Variants in BIRC6 observed in about 807,000 individuals in gnomAD.
The protein encoded by BIRC6 is dual E2 ubiquitin-conjugating enzyme/E3 ubiquitin-protein ligase BIRC6.
A neutral mutation model predicts 503.3 loss-of-function variants in BIRC6; 98 were observed. The ratio of observed to expected loss-of-function variants is 0.19; its 90% CI spans 0.17 to 0.23. The LOEUF (loss-of-function observed/expected upper bound fraction) is 0.23, where lower values mean the gene tolerates loss of function less well. BIRC6 is among the 10% of genes least tolerant of loss of function. The probability of loss-of-function intolerance (pLI) is 1.00; values close to 1 mark genes in which losing one functional copy is unlikely to be tolerated. For missense variants in BIRC6, 5,360 were observed against 5,806.0 expected, an observed-to-expected ratio of 0.92 and a Z score of 2.50; for synonymous variants, 2,240 against 2,078.7, an observed-to-expected ratio of 1.08 and a Z score of -2.11.
rs188265810 is a variant in BIRC6 at position 32,599,607 on chromosome 2, C to T, written c.13831-132C>T. The T allele has an allele frequency of 4.0e-4, 348 of 870,614 alleles. 2 individuals carry two copies. In the African/African-American group the frequency reaches 4.6e-3, roughly 11 times the overall value. 53.9% of individuals were successfully genotyped at this position (870,614 alleles called of 1,614,324 possible). A position where few individuals can be genotyped will look rare whatever the true frequency, so the allele number is the denominator to read the frequency against. On this transcript the variant is annotated intron_variant, in intron 69 of 73. Transcript: ENST00000421745. Reference sequence around the variant, plus strand: ...GAGCCGAGATTGCGCCACTGCACTCCAGCCTGGGCGACAGAGTGGGACTCC... The same window carrying T: ...GAGCCGAGATTGCGCCACTGCACTCTAGCCTGGGCGACAGAGTGGGACTCC...
intron 15 of BIRC6, among the ~76,000 whole-genome samples, chr2:32,437,961 A>T (rs544954143): frequency 1.1e-4 from 17 of 152,182 alleles, no homozygotes; most frequent in Middle Eastern, 3.4e-3. Flanking sequence ...GTTTTTAAAA[A>T]TTTTTTATTT....
intron 45 of BIRC6, among the ~76,000 whole-genome samples, chr2:32,497,210 A>G (rs1247750419): frequency 1.3e-5 from 2 of 152,178 alleles, no homozygotes; most frequent in Non-Finnish European, 2.9e-5. Context: ...AGATCTCACT[A>G]TGTTGCCCAG....
intron 15 of BIRC6, among the ~76,000 whole-genome samples, chr2:32,436,528 A>C (rs956828739): frequency 2.6e-5 from 4 of 152,114 alleles, no homozygotes; most frequent in African/African-American, 9.7e-5. Context: ...CCGTCTCTTC[A>C]GAGTTTTATT....
At chr2:32,612,316 T>G (rs1337652408) in intron 73 of BIRC6, among the ~76,000 whole-genome samples, 1 of 152,210 alleles carries the variant, frequency 6.6e-6, no homozygotes, top group Admixed American at 6.5e-5. Flanking sequence ...GCAGTTGTTT[T>G]CAGTTTGGAC....
intron 10 of BIRC6, among the ~76,000 whole-genome samples, chr2:32,422,796 C>T (rs2043073660): frequency 6.6e-6 from 1 of 152,136 alleles, no homozygotes; most frequent in African/African-American, 2.4e-5. Context: ...ATTTAATTTT[C>T]ACTTATACTT....
At position 32,503,026 on chromosome 2, in the gene BIRC6, T is replaced by A; in HGVS notation, c.9305-16T>A. On this transcript the variant is annotated splice_polypyrimidine_tract_variant and intron_variant, in intron 48 of 73. Transcript: ENST00000421745. Reference sequence around the variant, plus strand: ...GTCCTGAGATCGATTTCATTTCATATTCTTTATAAATTTAGGTGGTGTTCA... The same window carrying A: ...GTCCTGAGATCGATTTCATTTCATAATCTTTATAAATTTAGGTGGTGTTCA... 2 of 1,557,938 alleles carry A rather than the reference T, an allele frequency of 1.3e-6. No individual in the cohort carries two copies. The highest frequency in any genetic ancestry group is 4.0e-5 in the Admixed American group (2 of 50,234).
chr2:32,421,352 G>T (rs1266350655), intron 10 of BIRC6, among the ~76,000 whole-genome samples: 1 of 151,918 alleles, frequency 6.6e-6, no homozygotes, highest in East Asian at 1.9e-4. Flanking sequence ...TGATCTGCCC[G>T]CCTTGACCTC....
chr2:32,366,822 A>T (rs958666252), intron 1 of BIRC6, among the ~76,000 whole-genome samples: 17 of 151,984 alleles, frequency 1.1e-4, no homozygotes, highest in Admixed American at 8.5e-4. Context: ...GTCTCTACAA[A>T]AAAAAAAAAA....
chr2:32,367,793 G>A (rs1355241203), intron 1 of BIRC6, among the ~76,000 whole-genome samples: 1 of 152,148 alleles, frequency 6.6e-6, no homozygotes, highest in Admixed American at 6.6e-5. Context: ...TCCAGTCTGG[G>A]CGAGAAGAGT....
In BIRC6 at chr2:32,430,947, T is replaced by C; in HGVS notation, c.3105T>C (p.Thr1035=). 2 of 1,613,230 alleles carry C rather than the reference T, an allele frequency of 1.2e-6. No homozygotes were observed. The highest frequency in any genetic ancestry group is 8.5e-7 in the Non-Finnish European group (1 of 1,179,762). The change falls in exon 12 of 74, where the codon ACT becomes ACC. Residue 1035 remains threonine, a synonymous_variant. Coordinates refer to ENST00000421745, the MANE Select transcript of BIRC6 (RefSeq NM_016252.4). ...AGCTAACCCGCTTTGAGACTTTGAC[T>C]CCAAGGTTTTCAGCGACTGTTCCTC... ...LVELTRFETL[T]PRFSATVPPC... is the part of the protein sequence containing the mutation.
intron 47 of BIRC6, among the ~76,000 whole-genome samples, 171 bp downstream of exon 47, chr2:32,502,059 T>A (rs1378016310): frequency 6.6e-6 from 1 of 152,220 alleles, no homozygotes; most frequent in Non-Finnish European, 1.5e-5. Context: ...AAAGTTTCTT[T>A]GAAGTGGTAT....
chr2:32,474,019 G>T (rs1572478296), intron 33 of BIRC6, among the ~76,000 whole-genome samples: 2 of 151,958 alleles, frequency 1.3e-5, no homozygotes, highest in Non-Finnish European at 2.9e-5. Context: ...GCCTCCCAAA[G>T]TGTTGGGATT....
intron 20 of BIRC6, 142 bp from the exon 21 acceptor site, chr2:32,445,379 A>G: frequency 3.7e-6 from 3 of 812,956 alleles, no homozygotes; most frequent in Non-Finnish European, 5.4e-6. Context: ...ATCTTTGTAA[A>G]TTGCCTATAA....
chr2:32,531,762 C>T (rs1039427655), intron 61 of BIRC6, among the ~76,000 whole-genome samples: 4 of 152,226 alleles, frequency 2.6e-5, no homozygotes, highest in African/African-American at 7.2e-5. Context: ...ATCAAGCACA[C>T]TTGCCAGACT....
intron 65 of BIRC6, among the ~76,000 whole-genome samples, chr2:32,562,721 A>G (rs2059279560): frequency 6.6e-6 from 1 of 152,162 alleles, no homozygotes; most frequent in African/African-American, 2.4e-5. Context: ...GGCTTCTTTC[A>G]TTTAATAATA....
At chr2:32,569,534 A>G (rs984503602) in intron 65 of BIRC6, among the ~76,000 whole-genome samples, 2 of 151,874 alleles carry the variant, frequency 1.3e-5, no homozygotes, top group Non-Finnish European at 2.9e-5. Flanking sequence ...ACACCTGACT[A>G]ATTTCCTTTT....
intron 63 of BIRC6, among the ~76,000 whole-genome samples, chr2:32,546,347 A>G (rs996171131): frequency 1.3e-5 from 2 of 152,164 alleles, no homozygotes; most frequent in African/African-American, 4.8e-5. Context: ...TGGGAGGTTG[A>G]GGTGGGTGGA....
rs532906103 is a variant in BIRC6, at chr2:32,594,786, A to G, written c.13502-248A>G. Among the ~76,000 whole-genome samples, 15 of 152,180 alleles carry G rather than the reference A, an allele frequency of 9.9e-5. 1 individual carries two copies. Among genetic ancestry groups the G allele is most frequent in the Admixed American group, 8.5e-4 (13 of 15,278 alleles). On this transcript the variant is annotated intron_variant, in intron 67 of 73. Transcript: ENST00000421745. ...CTGAAGAAAGTGATCTGAATTATCT[A>G]TTGTTTCACTTCCTCTTTTCATAAA...
chr2:32,557,492 T>C (rs1232140892), intron 65 of BIRC6: 1 of 152,254 alleles, frequency 6.6e-6, no homozygotes, highest in Non-Finnish European at 1.5e-5. Context: ...CCTGTTTTTT[T>C]CCTCTGTGTA....
Sources: gnomAD v4.1 joint callset for allele counts (sites outside exome capture counted in the v4.1 genomes callset) on GRCh38, gnomAD v4.1.1 for gene constraint, MANE v1.5 for transcripts, NCBI Gene and HGNC (gene_info 2026-07-23, HGNC 2026-07-21) for gene names.